The following CFAP299 variants were observed in gnomAD, a reference collection of about 807,000 sequenced individuals.
CFAP299 encodes the protein cilia- and flagella-associated protein 299.
In CFAP299, 21 loss-of-function variants were observed where a neutral mutation model predicts 27.0. That is an observed-to-expected ratio of 0.78 (90% CI 0.55 to 1.12). The LOEUF is 1.12. Among genes scored for constraint, CFAP299 ranks in the 50% most tolerant of loss-of-function variants. The probability of loss-of-function intolerance (pLI) is 0.00; values close to 1 mark genes in which losing one functional copy is unlikely to be tolerated. For synonymous variants in CFAP299, 104 were observed against 98.1 expected (o/e 1.06, Z -0.36); for missense variants, 310 against 276.6 (o/e 1.12, Z -0.86).
chr4:80,545,618 C>CA (rs1364996606), intron 2 of CFAP299, among the ~76,000 whole-genome samples: 1 of 151,824 alleles, frequency 6.6e-6, no homozygotes, highest in Non-Finnish European at 1.5e-5. Context: ...CCTTATCAAC[C>CA]AAAAAAAGTC....
intron 2 of CFAP299, chr4:80,387,727 G>C: frequency 6.3e-7 from 1 of 1,582,646 alleles, no homozygotes; most frequent in Non-Finnish European, 8.7e-7. Flanking sequence ...CTTCTCACCT[G>C]TGTGGCTTCA....
At chr4:80,668,279 T>C (rs1465445659) in intron 3 of CFAP299, among the ~76,000 whole-genome samples, 4 of 152,176 alleles carry the variant, frequency 2.6e-5, no homozygotes, top group Non-Finnish European at 5.9e-5. Flanking sequence ...TTGTACATGT[T>C]TTCCCGCTGT....
At chr4:80,734,358 G>A (rs886878113) in intron 3 of CFAP299, among the ~76,000 whole-genome samples, 5 of 151,638 alleles carry the variant, frequency 3.3e-5, no homozygotes, top group Non-Finnish European at 7.4e-5. Context: ...TTCTATATTC[G>A]GTTATTAATC....
chr4:80,895,265 C>T (rs1734559372), intron 4 of CFAP299, among the ~76,000 whole-genome samples: 3 of 151,850 alleles, frequency 2.0e-5, no homozygotes, highest in Admixed American at 1.3e-4. Flanking sequence ...CACGTGTATA[C>T]ATATATCAAA....
intron 2 of CFAP299, among the ~76,000 whole-genome samples, chr4:80,539,582 C>T (rs897317140): frequency 1.3e-5 from 2 of 151,910 alleles, no homozygotes; most frequent in African/African-American, 2.4e-5. Flanking sequence ...ACTGGCTTAG[C>T]GTGTGAGAGT....
intron 1 of CFAP299, 79 bp downstream of exon 1, chr4:80,335,958 C>A: frequency 2.2e-6 from 2 of 894,014 alleles, no homozygotes; most frequent in South Asian, 1.3e-5. Flanking sequence ...GTGGGCTGGT[C>A]GCCCCCTGGC....
At chr4:80,419,255 TTA>T (rs1727168225) in intron 2 of CFAP299, among the ~76,000 whole-genome samples, 1 of 152,196 alleles carries the variant, frequency 6.6e-6, no homozygotes, top group Non-Finnish European at 1.5e-5. Context: ...ACTTGGGATT[TTA>T]TATGTTGGCA....
At chr4:80,689,124 T>C (rs2110013768) in intron 3 of CFAP299, among the ~76,000 whole-genome samples, 1 of 152,260 alleles carries the variant, frequency 6.6e-6, no homozygotes, top group South Asian at 2.1e-4. Context: ...CTCTGCAGGA[T>C]ATTATCCAGG....
intron 3 of CFAP299, among the ~76,000 whole-genome samples, chr4:80,619,953 A>G (rs1208702935): frequency 6.6e-6 from 1 of 152,088 alleles, no homozygotes; most frequent in Non-Finnish European, 1.5e-5. Flanking sequence ...TTCTATAGAA[A>G]CATATTGTTA....
At chr4:80,451,863 C>A (rs765999877) in intron 2 of CFAP299, among the ~76,000 whole-genome samples, 1 of 152,318 alleles carries the variant, frequency 6.6e-6, no homozygotes, top group African/African-American at 2.4e-5. Context: ...TCCATTAAAT[C>A]TAAAGCCTGA....
At chr4:80,817,118 G>A (rs1054417760) in intron 3 of CFAP299, among the ~76,000 whole-genome samples, 1 of 152,066 alleles carries the variant, frequency 6.6e-6, no homozygotes, top group Non-Finnish European at 1.5e-5. Flanking sequence ...CCTATATGCA[G>A]TGACGGTGAG....
rs73829162 is a variant in CFAP299, at chr4:80,842,651, A to G, written c.334-27342A>G. Among the ~76,000 whole-genome samples, 1,038 of 152,272 alleles carry G rather than the reference A, an allele frequency of 6.8e-3. 9 individuals are homozygous for G. Among genetic ancestry groups the G allele is most frequent in the African/African-American group, 0.024 (978 of 41,564 alleles). ...CGAGGCTTGTGAGCTTAAGTGGGATATGGAAAGACACTTTTCAGCCAGCTG... is the reference window on the plus strand; with the variant it reads ...CGAGGCTTGTGAGCTTAAGTGGGATGTGGAAAGACACTTTTCAGCCAGCTG... On this transcript the variant is annotated intron_variant, in intron 3 of 5. Coordinates refer to ENST00000358105, the MANE Select transcript of CFAP299 (RefSeq NM_152770.3).
At chr4:80,342,218 G>T (rs751403768) in intron 1 of CFAP299, among the ~76,000 whole-genome samples, 21 of 152,160 alleles carry the variant, frequency 1.4e-4, no homozygotes, top group Non-Finnish European at 2.9e-4. Context: ...GAAACTGGAA[G>T]AACCGAACCA....
intron 2 of CFAP299, among the ~76,000 whole-genome samples, chr4:80,506,602 T>G (rs554623755): frequency 6.6e-6 from 1 of 152,170 alleles, no homozygotes; most frequent in African/African-American, 2.4e-5. Flanking sequence ...TTGACTGATA[T>G]GTTGATGTAA....
chr4:80,847,637 A>G (rs1278776017), intron 3 of CFAP299, among the ~76,000 whole-genome samples: 3 of 152,178 alleles, frequency 2.0e-5, no homozygotes. Flanking sequence ...TAACCTTCTC[A>G]TGCTTCAGTT....
chr4:80,595,446 C>A (rs994383954), intron 3 of CFAP299, among the ~76,000 whole-genome samples: 1 of 152,152 alleles, frequency 6.6e-6, no homozygotes, highest in African/African-American at 2.4e-5. Flanking sequence ...AAAGTAAGCC[C>A]AGTTATGCCT....
At chr4:80,696,794 A>G (rs1721124089) in intron 3 of CFAP299, among the ~76,000 whole-genome samples, 1 of 152,194 alleles carries the variant, frequency 6.6e-6, no homozygotes, top group Admixed American at 6.5e-5. Context: ...GGCATAAATG[A>G]ACTTAAGGTG....
chr4:80,636,453 GCTT>G (rs1739469463), intron 3 of CFAP299, among the ~76,000 whole-genome samples: 1 of 152,114 alleles, frequency 6.6e-6, no homozygotes, highest in African/African-American at 2.4e-5. Context: ...TTAGCATTAT[GCTT>G]CTTTGCATTT....
chr4:80,665,794 G>T (rs570319612), intron 3 of CFAP299, among the ~76,000 whole-genome samples: 1 of 152,218 alleles, frequency 6.6e-6, no homozygotes, highest in Non-Finnish European at 1.5e-5. Context: ...TTCATGAATG[G>T]TTCAGTACAA....
Sources: gnomAD v4.1 joint callset for allele counts (sites outside exome capture counted in the v4.1 genomes callset) on GRCh38, gnomAD v4.1.1 for gene constraint, MANE v1.5 for transcripts, NCBI Gene and HGNC (gene_info 2026-07-23, HGNC 2026-07-21) for gene names.